BCL9L: variants seen among roughly 807,000 people sequenced by gnomAD.
The protein encoded by BCL9L is BCL9 like, also known as B-cell CLL/lymphoma 9-like protein.
A neutral mutation model predicts 99.4 loss-of-function variants in BCL9L; 19 were observed. That is an observed-to-expected ratio of 0.19 (90% CI 0.13 to 0.28). The LOEUF (loss-of-function observed/expected upper bound fraction) is 0.28, where lower values mean the gene tolerates loss of function less well. BCL9L is among the 10% of genes least tolerant of loss of function. The pLI is 1.00. For missense variants in BCL9L, 2,023 were observed against 2,101.6 expected, an observed-to-expected ratio of 0.96 and a Z score of 0.73; for synonymous variants, 900 against 854.8, an observed-to-expected ratio of 1.05 and a Z score of -0.92.
intron 1 of BCL9L, among the ~76,000 whole-genome samples, chr11:118,924,393 G>T (rs1293675918): frequency 1.3e-5 from 2 of 151,758 alleles, no homozygotes; most frequent in Non-Finnish European, 2.9e-5. Flanking sequence ...GGGGGTGTCA[G>T]AAAAACCCGG....
At position 118,897,814 on chromosome 11, in the gene BCL9L, G is replaced by A; in HGVS notation, c.*601C>T. 2.2e-6 allele frequency: 1 copy of A among 456,298 alleles called. No homozygotes were observed. Among genetic ancestry groups the A allele is most frequent in the Non-Finnish European group, 4.4e-6 (1 of 227,002 alleles). The allele number at this position is 456,298 out of a possible 1,614,324, so 28.3% of individuals were successfully genotyped here. On this transcript the variant is annotated 3_prime_UTR_variant, in exon 10 of 10. Coordinates refer to ENST00000683865, the MANE Select transcript of BCL9L (RefSeq NM_001378213.1). Reference sequence around the variant, plus strand: ...AGAAATACAGCACACGCACAAACCAGCACAAAAGCGCAGCGCTCTATTTAC... The same window carrying A: ...AGAAATACAGCACACGCACAAACCAACACAAAAGCGCAGCGCTCTATTTAC...
In BCL9L at chr11:118,898,294, G is replaced by GCCCCCAACCCCCCCCCCCCC; in HGVS notation, c.*120_*121insGGGGGGGGGGGGGTTGGGGG. Reference sequence around the variant, plus strand: ...TCCACAAATGCCACTCCCTACACAAGCCCCCTCCCACCCCCTCCACCCCAC... The same window carrying GCCCCCAACCCCCCCCCCCCC: ...TCCACAAATGCCACTCCCTACACAAGCCCCCAACCCCCCCCCCCCCCCCCCTCCCACCCCCTCCACCCCAC... On this transcript the variant is annotated 3_prime_UTR_variant, in exon 10 of 10. Transcript: ENST00000683865. The GCCCCCAACCCCCCCCCCCCC allele has an allele frequency of 2.2e-6, 1 of 452,312 alleles. No homozygotes were observed. The allele number at this position is 452,312 out of a possible 1,614,324, so 28.0% of individuals were successfully genotyped here.
intron 4 of BCL9L, among the ~76,000 whole-genome samples, chr11:118,907,983 C>A (rs551909103): frequency 1.9e-4 from 29 of 152,322 alleles, no homozygotes; most frequent in South Asian, 4.1e-4. Context: ...CTGCTCCTCA[C>A]TCCATGGCAC....
In BCL9L at chr11:118,907,253, G is replaced by C. The variant is rs543719906; in HGVS notation, c.532+230C>G. Among the ~76,000 whole-genome samples the C allele has an allele frequency of 2.0e-5, 3 of 152,320 alleles. No individual in the cohort carries two copies. The East Asian group carries it at 5.8e-4, about 29-fold the overall frequency. On this transcript the variant is annotated intron_variant, in intron 5 of 9. Transcript: ENST00000683865. Reference sequence around the variant, plus strand: ...GTGCAGGTGACGTGACCAAGAAGGAGGCCACTCCACTCTGCCCCACCTAGG... The same window carrying C: ...GTGCAGGTGACGTGACCAAGAAGGACGCCACTCCACTCTGCCCCACCTAGG...
chr11:118,902,714 G>A lies in BCL9L; in HGVS notation c.1029C>T (p.Ser343=). The A allele has an allele frequency of 6.3e-7, 1 of 1,598,458 alleles. No individual in the cohort carries two copies. Among genetic ancestry groups the A allele is most frequent in the Non-Finnish European group, 8.5e-7 (1 of 1,179,454 alleles). ...DLAPNSVGAA[S]TGGGTGGTHP... ...GGGTGCCCCCAGTCCCACCACCTGT[G>A]CTGGCAGCTCCCACCGAGTTGGGGG... The change falls in exon 8 of 10, where the codon AGC becomes AGT. Residue 343 remains serine, a synonymous_variant. Transcript: ENST00000683865. This position sits in a 1 kb window ranked among gnomAD's most constrained non-coding sequence, Gnocchi z 7.8.
At chr11:118,899,632 C>T (rs1940118132) in intron 9 of BCL9L, 124 bp from the exon 10 acceptor site, 1 of 1,296,828 alleles carries the variant, frequency 7.7e-7, no homozygotes. Context: ...CCACTGGCTT[C>T]CCCTGGCTGG....
rs750127336 is a variant in BCL9L, at chr11:118,902,679, G to C, written c.1064C>G (p.Thr355Ser). The C allele has an allele frequency of 2.5e-6, 4 of 1,599,214 alleles. No homozygotes were observed. Among genetic ancestry groups the C allele is most frequent in the Non-Finnish European group, 3.4e-6 (4 of 1,179,782 alleles). Residue 355 changes from threonine (T) to serine (S), a missense_variant, in exon 8 of 10, where the codon ACC becomes AGC. Transcript: ENST00000683865. This position sits in a 1 kb window ranked among gnomAD's most constrained non-coding sequence, Gnocchi z 7.8. ...GGGTGGTHPNTPTATTANNPL... is the reference protein window; with the variant it reads ...GGGTGGTHPNSPTATTANNPL... ...GTTGTTGGCGGTGGTAGCCGTCGGGGTGTTAGGGTGGGTGCCCCCAGTCCC... is the reference window on the plus strand; with the variant it reads ...GTTGTTGGCGGTGGTAGCCGTCGGGCTGTTAGGGTGGGTGCCCCCAGTCCC...
intron 2 of BCL9L, among the ~76,000 whole-genome samples, chr11:118,911,664 G>A (rs1237482672): frequency 3.3e-5 from 5 of 152,240 alleles, no homozygotes; most frequent in Non-Finnish European, 1.5e-5. Flanking sequence ...CGAGGAAACT[G>A]AGGTCTGGGA....
At chr11:118,908,186 G>C in intron 4 of BCL9L, 84 bp downstream of exon 4, 1 of 1,488,682 alleles carries the variant, frequency 6.7e-7, no homozygotes, top group South Asian at 1.4e-5. Flanking sequence ...TGGACAAGCA[G>C]GGAGCAGAGA....
At chr11:118,919,537 C>T (rs1383451530) in intron 1 of BCL9L, among the ~76,000 whole-genome samples, 3 of 151,958 alleles carry the variant, frequency 2.0e-5, no homozygotes, top group African/African-American at 7.3e-5. Flanking sequence ...TGGCTGGGCT[C>T]AGTTTGTACT....
rs1372494973 is a variant in BCL9L at position 118,901,455 on chromosome 11, G to A, written c.2288C>T (p.Pro763Leu). Residue 763 changes from proline to leucine, a missense_variant, in exon 8 of 10, where the codon CCA (proline) becomes CTA (leucine). Physicochemically the swap from Pro to Leu is moderately conservative, Grantham distance 98. Around this residue, in one of 3 missense-constraint regions of BCL9L, gnomAD observed 1,116 missense variants for 1,194.6 expected, o/e 0.93. Coordinates refer to ENST00000683865, the MANE Select transcript of BCL9L (RefSeq NM_001378213.1). The surrounding 1 kb of genome is among the most constrained non-coding windows in gnomAD (Gnocchi z 6.6). The part of the protein sequence containing the change: ...MGQSGLREVD[P>L]PMGPGNLNMN... ...GTTGAGGTTGCCTGGCCCCATGGGT[G>A]GGTCCACCTCCCTCAGCCCAGACTG... 1.1e-5 allele frequency: 18 copies of A among 1,613,958 alleles called. No homozygotes were observed. Among genetic ancestry groups the A allele is most frequent in the Non-Finnish European group, 1.4e-5 (17 of 1,180,000 alleles).
In BCL9L at chr11:118,901,339, C is replaced by T. The variant is rs1940225270; in HGVS notation, c.2404G>A (p.Gly802Ser). The T allele has an allele frequency of 1.2e-6, 2 of 1,613,552 alleles. No homozygotes were observed. Among genetic ancestry groups the T allele is most frequent in the Admixed American group, 1.7e-5 (1 of 59,990 alleles). ...TGGGGCCCCATCAAGTCCCCAGGGC[C>T]CCGCATCTTCTGCGACATCAGCATC... ...QQMLMSQKMR[G>S]PGDLMGPQGL... The change falls in exon 8 of 10, where the codon GGC becomes AGC. Residue 802 changes from glycine (G) to serine (S), a missense_variant. Gly to Ser is a moderately conservative substitution (Grantham distance 56). This residue lies in a region of BCL9L where 1,116 missense variants were observed against 1,194.6 expected (regional missense o/e 0.93). Coordinates refer to ENST00000683865, the MANE Select transcript of BCL9L (RefSeq NM_001378213.1). The surrounding 1 kb of genome is among the most constrained non-coding windows in gnomAD (Gnocchi z 6.6).
Position 118,899,957 on chromosome 11 carries a change from G to A in BCL9L, c.3366C>T (p.Pro1122=). ...TSDDELLPDR[P]LLPPPPPPQG... is the part of the protein sequence containing the mutation. ...GCGGTGGTGGTGGGGGGGGCAGCAG[G>A]GGCCGGTCGGGCAGCAGCTCGTCGT... Residue 1122 remains proline (P), a synonymous_variant, in exon 9 of 10, where the codon CCC becomes CCT. Transcript: ENST00000683865. 1 of 1,613,792 alleles carries A rather than the reference G, an allele frequency of 6.2e-7. No homozygotes were observed. Among genetic ancestry groups the A allele is most frequent in the South Asian group, 1.1e-5 (1 of 91,086 alleles).
chr11:118,911,836 C>T (rs1565626921), intron 2 of BCL9L, among the ~76,000 whole-genome samples: 1 of 152,252 alleles, frequency 6.6e-6, no homozygotes. Context: ...AGCCACAGTG[C>T]CCAGGTCCCC....
rs1198383251 is a variant in BCL9L, at chr11:118,899,334, G to A, written c.3581C>T (p.Thr1194Ile). The change falls in exon 10 of 10, where the codon ACA becomes ATA. Residue 1194 changes from threonine to isoleucine, a missense_variant. Coordinates refer to ENST00000683865, the MANE Select transcript of BCL9L (RefSeq NM_001378213.1). ...CATGGAGTTTTGAGGGGGCCCCCCTGTCCCCTGTGCGTTGGGATGCAGTGG... is the reference window on the plus strand; with the variant it reads ...CATGGAGTTTTGAGGGGGCCCCCCTATCCCCTGTGCGTTGGGATGCAGTGG... ...NIPLHPNAQG[T>I]GGPPQNSMMM... 2 of 1,572,890 alleles carry A rather than the reference G, an allele frequency of 1.3e-6. No individual in the cohort carries two copies. The highest frequency in any genetic ancestry group is 3.7e-5 in the Admixed American group (2 of 54,436).
Position 118,922,542 on chromosome 11 carries a change from C to T in BCL9L, c.-131+2696G>A, listed in dbSNP as rs1344134569. On this transcript the variant is annotated intron_variant, in intron 1 of 9. Coordinates refer to ENST00000683865, the MANE Select transcript of BCL9L (RefSeq NM_001378213.1). The surrounding 1 kb of genome is among the most constrained non-coding windows in gnomAD (Gnocchi z 6.2). ...CACATGCGGAGCTAGAGCAGCCAGG[C>T]GCTCAACAGGTTGAGCCAGTCCATG... Among the ~76,000 whole-genome samples the T allele has an allele frequency of 1.8e-4, 28 of 152,290 alleles. No homozygotes were observed. The highest frequency in any genetic ancestry group is 8.8e-5 in the Non-Finnish European group (6 of 67,998).
At chr11:118,924,267 G>A (rs996299129) in intron 1 of BCL9L, among the ~76,000 whole-genome samples, 6 of 151,902 alleles carry the variant, frequency 3.9e-5, no homozygotes, top group South Asian at 4.1e-4. Flanking sequence ...TCAAACACAC[G>A]CCCAGTTCAC....
At chr11:118,910,924 C>T in intron 2 of BCL9L, 2 of 83,764 alleles carry the variant, frequency 2.4e-5, no homozygotes, top group Non-Finnish European at 2.2e-5. Context: ...AAGCTAGAGG[C>T]GCGCCGAGGC....
Position 118,898,294 on chromosome 11 carries a change from G to GCCCCCACCCCCCCCCCCCCCCCCCCC in BCL9L, c.*120_*121insGGGGGGGGGGGGGGGGGGGGTGGGGG. 6 of 452,312 alleles carry GCCCCCACCCCCCCCCCCCCCCCCCCC rather than the reference G, an allele frequency of 1.3e-5. 1 individual carries two copies. Among genetic ancestry groups the GCCCCCACCCCCCCCCCCCCCCCCCCC allele is most frequent in the African/African-American group, 2.0e-5 (1 of 49,078 alleles). The allele number at this position is 452,312 out of a possible 1,614,324, so 28.0% of individuals were successfully genotyped here. ...TCCACAAATGCCACTCCCTACACAA[G>GCCCCCACCCCCCCCCCCCCCCCCCCC]CCCCCTCCCACCCCCTCCACCCCAC... is the stretch of plus-strand genomic sequence containing the variant. On this transcript the variant is annotated 3_prime_UTR_variant, in exon 10 of 10. Transcript: ENST00000683865.
Sources: gnomAD v4.1 joint callset for allele counts (sites outside exome capture counted in the v4.1 genomes callset) on GRCh38, gnomAD v4.1.1 for gene constraint, gnomAD v4.1.1 regional missense constraint, Gnocchi (gnomAD v3.1) non-coding constraint, MANE v1.5 for transcripts, NCBI Gene and HGNC (gene_info 2026-07-23, HGNC 2026-07-21) for gene names.